GALNT9: variants seen among roughly 807,000 people sequenced by gnomAD.
GALNT9 encodes the protein GalNAc transferase 9.
A neutral mutation model predicts 63.1 loss-of-function variants in GALNT9; 47 were observed. The observed-to-expected ratio is 0.75, with a 90% confidence interval of 0.59 to 0.95. The LOEUF (loss-of-function observed/expected upper bound fraction) is 0.95, where lower values mean the gene tolerates loss of function less well. Among genes scored for constraint, GALNT9 ranks in the 40% least tolerant of loss-of-function variants. GALNT9 has a pLI of 0.00. For synonymous variants in GALNT9, 396 were observed against 365.7 expected (o/e 1.08, Z -0.94); for missense variants, 829 against 874.8 (o/e 0.95, Z 0.66).
At chr12:132,323,606 C>T (rs1555246293) in intron 1 of GALNT9, among the ~76,000 whole-genome samples, 1 of 152,182 alleles carries the variant, frequency 6.6e-6, no homozygotes, top group African/African-American at 2.4e-5. Context: ...ACCAAAATGT[C>T]GTTCATCTCA....
Position 132,279,607 on chromosome 12 carries a change from A to G in GALNT9, c.419+6643T>C, listed in dbSNP as rs1880253142. The G allele has an allele frequency of 6.6e-6, 1 of 152,452 alleles. No homozygotes were observed. The highest frequency in any genetic ancestry group is 2.4e-5 in the African/African-American group (1 of 41,570). 9.4% of individuals were successfully genotyped at this position (152,452 alleles called of 1,614,324 possible). On this transcript the variant is annotated intron_variant, in intron 2 of 10. Coordinates refer to ENST00000328957, the MANE Select transcript of GALNT9 (RefSeq NM_001122636.2). The surrounding 1 kb of genome is among the most constrained non-coding windows in gnomAD (Gnocchi z 4.1). ...GGGGCATCCCCTGTCCCCTCCCCAC[A>G]GTCTTGGCAGTGGTTTCTTCTCTCC...
rs191877303 is a variant in GALNT9, at chr12:132,199,569, C to T, written c.1402-300G>A. On this transcript the variant is annotated intron_variant, in intron 8 of 10. Transcript: ENST00000328957. ...CTGTGGAGTGGCTTCCCTGCCTTGC[C>T]GCCTGCTCCCTGTGCCCTTGCGGCT... Among the ~76,000 whole-genome samples, 1,396 of 152,260 alleles carry T rather than the reference C, an allele frequency of 9.2e-3. 16 individuals carry two copies. Among genetic ancestry groups the T allele is most frequent in the African/African-American group, 0.031 (1,273 of 41,550 alleles).
intron 5 of GALNT9, among the ~76,000 whole-genome samples, chr12:132,249,600 G>C (rs1418582233): frequency 6.6e-6 from 1 of 152,200 alleles, no homozygotes; most frequent in Admixed American, 6.5e-5. Context: ...ATATACAACA[G>C]GTATTTCTCC....
intron 10 of GALNT9, among the ~76,000 whole-genome samples, 161 bp from the exon 11 acceptor site, chr12:132,197,414 G>A (rs1192062907): frequency 6.7e-6 from 1 of 149,554 alleles, no homozygotes; most frequent in Non-Finnish European, 1.5e-5. Context: ...GGCCGGGAAG[G>A]GGCTGACTTC....
chr12:132,286,428 G>A lies in GALNT9; in HGVS notation c.241C>T (p.Leu81Phe), dbSNP rs1041908744. 6.5e-7 allele frequency: 1 copy of A among 1,548,654 alleles called. No homozygotes were observed. Among genetic ancestry groups the A allele is most frequent in the South Asian group, 1.2e-5 (1 of 83,930 alleles). ...EEVVYNQLNG[L>F]AKPIGLVEGP... ...TCCACCAGGCCGATGGGCTTGGCAA[G>A]GCCTGGGGGAAAGGAAGAGAGGGAG... The change falls in exon 2 of 11, where the codon CTT becomes TTT. Residue 81 changes from leucine to phenylalanine, a missense_variant and splice_region_variant. By Grantham distance (22) the Leu-to-Phe change is conservative. Coordinates refer to ENST00000328957, the MANE Select transcript of GALNT9 (RefSeq NM_001122636.2). The surrounding 1 kb of genome is among the most constrained non-coding windows in gnomAD (Gnocchi z 7.4).
chr12:132,321,217 TGTGG>T (rs1555246107), intron 1 of GALNT9, among the ~76,000 whole-genome samples: 24 of 28,898 alleles, frequency 8.3e-4, no homozygotes, highest in Non-Finnish European at 3.3e-4. Context: ...TCGAGGCCCC[TGTGG>T]GTCTGGAGTC....
rs1002384248 is a variant in GALNT9 at position 132,265,953 on chromosome 12, C to A, written c.420-3328G>T. 6.6e-6 allele frequency among the ~76,000 whole-genome samples: 1 copy of A among 152,014 alleles called. No individual in the cohort carries two copies. Among genetic ancestry groups the A allele is most frequent in the Non-Finnish European group, 1.5e-5 (1 of 68,042 alleles). Reference sequence around the variant, plus strand: ...AACCACAGGCCTGTCTGCCTTTACACGCCCGACCTCGCCGTATTTCATGAA... The same window carrying A: ...AACCACAGGCCTGTCTGCCTTTACAAGCCCGACCTCGCCGTATTTCATGAA... On this transcript the variant is annotated intron_variant, in intron 2 of 10. Transcript: ENST00000328957. The surrounding 1 kb of genome is among the most constrained non-coding windows in gnomAD (Gnocchi z 5.3).
intron 6 of GALNT9, among the ~76,000 whole-genome samples, chr12:132,209,504 C>G (rs753286492): frequency 6.6e-6 from 1 of 152,022 alleles, no homozygotes; most frequent in Non-Finnish European, 1.5e-5. Flanking sequence ...GAGCCGAGAT[C>G]GCACCATTGC....
chr12:132,229,220 G>C (rs1033437352), intron 6 of GALNT9, among the ~76,000 whole-genome samples: 1 of 152,212 alleles, frequency 6.6e-6, no homozygotes, highest in South Asian at 2.1e-4. Context: ...TCCGTGCACC[G>C]TTCCCTGGTC....
chr12:132,213,567 A>G (rs989076661), intron 6 of GALNT9, among the ~76,000 whole-genome samples: 3 of 151,940 alleles, frequency 2.0e-5, no homozygotes, highest in Non-Finnish European at 4.4e-5. Flanking sequence ...AGTCACACAC[A>G]GGCACTCCCA....
intron 6 of GALNT9, chr12:132,240,440 C>T: frequency 2.8e-6 from 1 of 363,062 alleles, no homozygotes. Flanking sequence ...CAGACATGGC[C>T]TCAGAACCAG....
chr12:132,204,747 C>T (rs1478075575), intron 6 of GALNT9, among the ~76,000 whole-genome samples: 1 of 152,140 alleles, frequency 6.6e-6, no homozygotes, highest in Non-Finnish European at 1.5e-5. Flanking sequence ...CCTACCCTAT[C>T]CTGTGCTGTC....
chr12:132,248,581 C>A (rs1473864748), intron 5 of GALNT9, among the ~76,000 whole-genome samples: 1 of 152,200 alleles, frequency 6.6e-6, no homozygotes, highest in Non-Finnish European at 1.5e-5. Flanking sequence ...ATGCTTCATC[C>A]TAACTGTGTA....
intron 1 of GALNT9, among the ~76,000 whole-genome samples, chr12:132,312,720 C>T (rs1323152364): frequency 2.0e-5 from 3 of 152,202 alleles, no homozygotes; most frequent in Admixed American, 2.0e-4. Flanking sequence ...TTGCTGAAGC[C>T]CCCAGTGGAG....
At chr12:132,256,543 TA>T (rs1219761026) in intron 5 of GALNT9, among the ~76,000 whole-genome samples, 21 of 132,210 alleles carry the variant, frequency 1.6e-4, no homozygotes, top group East Asian at 7.0e-4. Flanking sequence ...GGGAGTGGAA[TA>T]GGGGGGACAC....
At position 132,203,606 on chromosome 12, in the gene GALNT9, C is replaced by CGTT; in HGVS notation, c.1159_1161dup (p.Asn387dup). 1.9e-6 allele frequency: 3 copies of CGTT among 1,613,896 alleles called. No homozygotes were observed. The highest frequency in any genetic ancestry group is 2.5e-6 in the Non-Finnish European group (3 of 1,179,822). ...TTGCGCTTGGCATAGTAGTCAATGT[C>CGTT]GTTGTTGTAGGGCTTCCTGGTGCGC... On this transcript the variant is annotated inframe_insertion, in exon 7 of 11. Coordinates refer to ENST00000328957, the MANE Select transcript of GALNT9 (RefSeq NM_001122636.2).
intron 1 of GALNT9, among the ~76,000 whole-genome samples, chr12:132,289,968 G>A (rs1277889412): frequency 6.6e-6 from 1 of 152,222 alleles, no homozygotes; most frequent in African/African-American, 2.4e-5. Flanking sequence ...AACTTTTGCT[G>A]CCTCAGATCC....
intron 6 of GALNT9, among the ~76,000 whole-genome samples, chr12:132,247,259 C>T (rs183643645): frequency 6.6e-5 from 10 of 152,308 alleles, no homozygotes; most frequent in Non-Finnish European, 1.0e-4. Flanking sequence ...CCCTCTGTGC[C>T]GAAGGACCCA....
In GALNT9 at chr12:132,265,003, G is replaced by A. The variant is rs79071066; in HGVS notation, c.420-2378C>T. Among the ~76,000 whole-genome samples, 303 of 152,312 alleles carry A rather than the reference G, an allele frequency of 2.0e-3. 1 individual carries two copies. Among genetic ancestry groups the A allele is most frequent in the African/African-American group, 6.9e-3 (287 of 41,564 alleles). On this transcript the variant is annotated intron_variant, in intron 2 of 10. Transcript: ENST00000328957. The surrounding 1 kb of genome is among the most constrained non-coding windows in gnomAD (Gnocchi z 5.3). ...CGTACGAGGGAGATCCTGCCAGGTC[G>A]TTTCCACACGCGCGGAGTTGAAGCG... is the stretch of plus-strand genomic sequence containing the variant.
Sources: allele counts gnomAD v4.1 joint callset (sites outside exome capture counted in the v4.1 genomes callset), GRCh38; gene constraint gnomAD v4.1.1; non-coding constraint Gnocchi (gnomAD v3.1); transcripts MANE v1.5; gene names NCBI Gene and HGNC (gene_info 2026-07-23, HGNC 2026-07-21).